Variants in PEPD observed in about 807,000 individuals in gnomAD.
The protein encoded by PEPD is xaa-Pro dipeptidase.
In PEPD, 53 loss-of-function variants were observed where a neutral mutation model predicts 60.7. The ratio of observed to expected loss-of-function variants is 0.87; its 90% CI spans 0.70 to 1.10. PEPD has a LOEUF of 1.10. Ranked by LOEUF, PEPD falls within the 50% of genes least tolerant of loss-of-function variation. The probability of loss-of-function intolerance (pLI) is 0.00; values close to 1 mark genes in which losing one functional copy is unlikely to be tolerated. For missense variants in PEPD, 711 were observed against 711.9 expected (o/e 1.00, Z 0.01); for synonymous variants, 267 against 284.1 (o/e 0.94, Z 0.60).
chr19:33,473,438 C>G (rs950803128), intron 7 of PEPD, among the ~76,000 whole-genome samples: 1 of 152,168 alleles, frequency 6.6e-6, no homozygotes, highest in Non-Finnish European at 1.5e-5. Flanking sequence ...GGCCGGGGAG[C>G]AGAAATAGAC....
At chr19:33,428,062 G>T (rs2145391559) in intron 9 of PEPD, among the ~76,000 whole-genome samples, 1 of 152,286 alleles carries the variant, frequency 6.6e-6, no homozygotes, top group Admixed American at 6.5e-5. Flanking sequence ...GACAGAAGTG[G>T]TCGTTATGTG....
chr19:33,419,822 CCCCA>C (rs1968973493), intron 9 of PEPD, among the ~76,000 whole-genome samples: 1 of 151,898 alleles, frequency 6.6e-6, no homozygotes, highest in Admixed American at 6.5e-5. Flanking sequence ...GGCGAAGGAG[CCCCA>C]GGCCAGCCGG....
At chr19:33,407,824 C>G (rs1968667914) in intron 11 of PEPD, among the ~76,000 whole-genome samples, 1 of 152,250 alleles carries the variant, frequency 6.6e-6, no homozygotes, top group Non-Finnish European at 1.5e-5. Flanking sequence ...CCGCTTGGCT[C>G]TGAACCAGGC....
At chr19:33,486,124 C>T (rs1350555199) in intron 6 of PEPD, among the ~76,000 whole-genome samples, 1 of 152,108 alleles carries the variant, frequency 6.6e-6, no homozygotes, top group African/African-American at 2.4e-5. Flanking sequence ...AGAGATCTAC[C>T]ATGTCTGACT....
chr19:33,417,505 T>G (rs1197042964), intron 9 of PEPD, among the ~76,000 whole-genome samples: 3 of 152,208 alleles, frequency 2.0e-5, no homozygotes, highest in Non-Finnish European at 2.9e-5. Flanking sequence ...GGGCAAATCT[T>G]GGCTCTGCTG....
At chr19:33,481,204 C>G (rs1970307933) in intron 6 of PEPD, among the ~76,000 whole-genome samples, 1 of 152,104 alleles carries the variant, frequency 6.6e-6, no homozygotes, top group Non-Finnish European at 1.5e-5. Flanking sequence ...AAATAACATA[C>G]AGTAACAAAT....
intron 11 of PEPD, among the ~76,000 whole-genome samples, chr19:33,404,457 AAAC>A (rs57961062): frequency 0.5 from 75,932 of 151,238 alleles, 21,357 homozygotes; most frequent in African/African-American, 0.77. Flanking sequence ...ATCGTTTAAA[AAAC>A]AACAACAACA....
chr19:33,407,158 CA>C (rs1347094251), intron 11 of PEPD, among the ~76,000 whole-genome samples: 6 of 152,244 alleles, frequency 3.9e-5, no homozygotes, highest in African/African-American at 1.4e-4. Context: ...CTCCAACCCC[CA>C]CCACCTGATC....
At chr19:33,445,638 G>A (rs1051990855) in intron 9 of PEPD, among the ~76,000 whole-genome samples, 2 of 152,210 alleles carry the variant, frequency 1.3e-5, no homozygotes, top group African/African-American at 4.8e-5. Flanking sequence ...CCAGAAGGGT[G>A]AGAAAACACA....
chr19:33,394,364 C>CG (rs140118182), intron 12 of PEPD, among the ~76,000 whole-genome samples: 2 of 152,242 alleles, frequency 1.3e-5, no homozygotes, highest in South Asian at 4.1e-4. Context: ...TGGCCCTTCC[C>CG]GGGGGCAGGC....
rs761486668 is a variant in PEPD, at chr19:33,387,314, C to T, written c.*30G>A. The T allele has an allele frequency of 1.2e-6, 2 of 1,612,912 alleles. No individual in the cohort carries two copies. Among genetic ancestry groups the T allele is most frequent in the Non-Finnish European group, 1.7e-6 (2 of 1,179,642 alleles). On this transcript the variant is annotated 3_prime_UTR_variant, in exon 15 of 15. Coordinates refer to ENST00000244137, the MANE Select transcript of PEPD (RefSeq NM_000285.4). ...ACGAAAAGAGGTTGCAAGGCCAGGC[C>T]CCCAGGTGCGCTGGGATTTCTGGCT... is the stretch of plus-strand genomic sequence containing the variant.
chr19:33,516,125 T>C (rs76091198), intron 1 of PEPD, among the ~76,000 whole-genome samples: 1 of 152,036 alleles, frequency 6.6e-6, no homozygotes, highest in African/African-American at 2.4e-5. Context: ...GCTACAGTCA[T>C]TAATTACAGG....
chr19:33,488,850 G>A (rs1970444257), intron 6 of PEPD, among the ~76,000 whole-genome samples: 1 of 152,176 alleles, frequency 6.6e-6, no homozygotes, highest in Admixed American at 6.5e-5. Flanking sequence ...TGGTCCACCA[G>A]AGGACAACAG....
intron 9 of PEPD, among the ~76,000 whole-genome samples, chr19:33,433,729 G>A (rs559713560): frequency 1.3e-4 from 20 of 152,134 alleles, no homozygotes; most frequent in African/African-American, 4.1e-4. Context: ...TTCTGTCATC[G>A]GCCAACCGAA....
chr19:33,391,652 C>T (rs892077304), intron 12 of PEPD, among the ~76,000 whole-genome samples, 173 bp from the exon 13 acceptor site: 1 of 152,170 alleles, frequency 6.6e-6, no homozygotes, highest in Non-Finnish European at 1.5e-5. Context: ...ACTAGGGTGG[C>T]CCCCCGTGCT....
chr19:33,492,706 C>T (rs1470455620), intron 5 of PEPD, among the ~76,000 whole-genome samples: 4 of 152,170 alleles, frequency 2.6e-5, no homozygotes, highest in African/African-American at 9.7e-5. Flanking sequence ...CTCAGCCTGA[C>T]ACAAATACAT....
chr19:33,499,612 G>A (rs1028902303), intron 4 of PEPD, among the ~76,000 whole-genome samples: 1 of 152,224 alleles, frequency 6.6e-6, no homozygotes, highest in African/African-American at 2.4e-5. Context: ...CACAGTCAGC[G>A]TCCATGGTGT....
chr19:33,454,932 T>A (rs1969769121), intron 9 of PEPD, among the ~76,000 whole-genome samples: 1 of 152,188 alleles, frequency 6.6e-6, no homozygotes, highest in Non-Finnish European at 1.5e-5. Flanking sequence ...AACTCCTGTC[T>A]CGCTGAAAGA....
intron 7 of PEPD, among the ~76,000 whole-genome samples, chr19:33,468,699 G>A (rs762667954): frequency 9.8e-5 from 15 of 152,336 alleles, no homozygotes; most frequent in Admixed American, 2.6e-4. Context: ...ACCCTGCAGC[G>A]CAGCGACACC....
Sources: gnomAD v4.1 joint callset for allele counts (sites outside exome capture counted in the v4.1 genomes callset) on GRCh38, gnomAD v4.1.1 for gene constraint, MANE v1.5 for transcripts, NCBI Gene and HGNC (gene_info 2026-07-23, HGNC 2026-07-21) for gene names.